COPB2: variants seen among roughly 807,000 people sequenced by gnomAD.
The protein encoded by COPB2 is coatomer subunit beta'.
COPB2 carries 16 observed loss-of-function variants against 120.8 expected under a neutral mutation model. The observed-to-expected ratio is 0.13, with a 90% CI of 0.09 to 0.20. The LOEUF (loss-of-function observed/expected upper bound fraction) is 0.20, where lower values mean the gene tolerates loss of function less well. COPB2 is among the 10% of genes least tolerant of loss of function. The pLI is 1.00. For missense variants in COPB2, 794 were observed against 1,076.5 expected (o/e 0.74, Z 3.67); for synonymous variants, 332 against 366.3 (o/e 0.91, Z 1.07).
At chr3:139,366,190 T>C (rs1212468050) in intron 15 of COPB2, among the ~76,000 whole-genome samples, 1 of 152,248 alleles carries the variant, frequency 6.6e-6, no homozygotes, top group Non-Finnish European at 1.5e-5. Context: ...GTAACTTTGC[T>C]TAAAAAACAT....
At chr3:139,369,392 T>G (rs774840892) in intron 11 of COPB2, 25 bp from the exon 12 acceptor site, 6 of 1,608,254 alleles carry the variant, frequency 3.7e-6, no homozygotes, top group Non-Finnish European at 5.1e-6. Flanking sequence ...AAAAGAGTTT[T>G]GCTTAGGCAT....
Position 139,366,620 on chromosome 3 carries a change from G to A in COPB2, c.1832C>T (p.Pro611Leu), listed in dbSNP as rs1329164747. Residue 611 changes from proline to leucine, a missense_variant, in exon 15 of 22, where the codon CCT becomes CTT. Around this residue, in one of 3 missense-constraint regions of COPB2, gnomAD observed 610 missense variants for 866.7 expected, o/e 0.70. Transcript: ENST00000333188. Reference sequence around the variant, plus strand: ...GGTCCTCTGTTCTTTTGGAATGGTAGGAAGGACCTTATCAGCCATGCTAAA... The same window carrying A: ...GGTCCTCTGTTCTTTTGGAATGGTAAGAAGGACCTTATCAGCCATGCTAAA... Reference protein sequence around the residue: ...RDFSMADKVLPTIPKEQRTRV... With the variant: ...RDFSMADKVLLTIPKEQRTRV... 6.2e-7 allele frequency: 1 copy of A among 1,614,002 alleles called. No individual in the cohort carries two copies. Among genetic ancestry groups the A allele is most frequent in the African/African-American group, 1.3e-5 (1 of 75,036 alleles).
intron 7 of COPB2, 190 bp downstream of exon 7, chr3:139,374,299 G>A (rs1167403847): frequency 2.3e-5 from 3 of 131,486 alleles, no homozygotes; most frequent in South Asian, 9.4e-5. Context: ...GAATGATGAC[G>A]ATGATGATGA....
In COPB2 at chr3:139,360,441, G is replaced by A. The variant is rs150728939; in HGVS notation, c.2210+640C>T. Among the ~76,000 whole-genome samples the A allele has an allele frequency of 7.3e-4, 109 of 148,744 alleles. 1 individual carries two copies. The highest frequency in any genetic ancestry group is 3.6e-3 in the Admixed American group (53 of 14,782). ...GCTAAGGCAGGAGAAGGGCTTGAAC[G>A]AGGGAGACAGAGGCTGCAATTAGCC... On this transcript the variant is annotated intron_variant, in intron 17 of 21. Coordinates refer to ENST00000333188, the MANE Select transcript of COPB2 (RefSeq NM_004766.3).
At chr3:139,374,053 TGG>T (rs1156810767) in intron 7 of COPB2, among the ~76,000 whole-genome samples, 1 of 152,258 alleles carries the variant, frequency 6.6e-6, no homozygotes, top group African/African-American at 2.4e-5. Context: ...CAGGATTTCC[TGG>T]GTAAAGTGTT....
intron 5 of COPB2, among the ~76,000 whole-genome samples, chr3:139,376,316 T>C (rs1170342151): frequency 1.3e-5 from 2 of 152,182 alleles, no homozygotes; most frequent in African/African-American, 4.8e-5. Flanking sequence ...ACTGCCTAAT[T>C]ACCAATTTAA....
rs1277688263 is a variant in COPB2 at position 139,366,642 on chromosome 3, T to C, written c.1810A>G (p.Ser604Gly). The change falls in exon 15 of 22, where the codon AGC becomes GGC. Residue 604 changes from serine (S) to glycine (G), a missense_variant. Ser to Gly is a moderately conservative substitution (Grantham distance 56). Transcript: ENST00000333188. The part of the protein sequence containing the change: ...YQTAVMRRDF[S>G]MADKVLPTIP... ...GTAGGAAGGACCTTATCAGCCATGC[T>C]AAAGTCCCTCCGCATGACAGCTGTC... is the stretch of plus-strand genomic sequence containing the variant. 6.2e-7 allele frequency: 1 copy of C among 1,613,980 alleles called. No homozygotes were observed. The highest frequency in any genetic ancestry group is 1.3e-5 in the African/African-American group (1 of 74,918).
rs776309981 is a variant in COPB2, at chr3:139,366,673, T to C, written c.1779A>G (p.Glu593=). 2.5e-6 allele frequency: 4 copies of C among 1,613,998 alleles called. No homozygotes were observed. Among genetic ancestry groups the C allele is most frequent in the Admixed American group, 3.3e-5 (2 of 59,986 alleles). The change falls in exon 15 of 22, where the codon GAA becomes GAG. Residue 593 remains glutamate, a synonymous_variant. Coordinates refer to ENST00000333188, the MANE Select transcript of COPB2 (RefSeq NM_004766.3). The part of the protein sequence containing the change: ...ISYSLLVSVL[E]YQTAVMRRDF... ...CCCTCCGCATGACAGCTGTCTGGTA[T>C]TCCAGGACTGAAACCAGCAGGGAAT...
chr3:139,361,373 GCAGA>G (rs948105943), intron 16 of COPB2, 78 bp from the exon 17 acceptor site: 40 of 1,374,858 alleles, frequency 2.9e-5, no homozygotes, highest in African/African-American at 4.4e-5. Context: ...TGTTAACTGT[GCAGA>G]CAATGTTTAT....
intron 19 of COPB2, 64 bp downstream of exon 19, chr3:139,358,934 A>C: frequency 1.3e-6 from 2 of 1,588,158 alleles, no homozygotes; most frequent in Non-Finnish European, 1.7e-6. Flanking sequence ...TCAAAATCTG[A>C]AGTCCTGAAT....
At position 139,371,800 on chromosome 3, in the gene COPB2, G is replaced by T. The variant is rs147356224; in HGVS notation, c.1128C>A (p.Ile376=). Residue 376 remains isoleucine (I), a synonymous_variant, in exon 10 of 22, where the codon ATC becomes ATA. Transcript: ENST00000333188. ...FVVVCGDGEY[I]IYTAMALRNK... Reference sequence around the variant, plus strand: ...TTCTCAATGCCATTGCTGTGTAGATGATATACTCCCCATCACCACACACCA... The same window carrying T: ...TTCTCAATGCCATTGCTGTGTAGATTATATACTCCCCATCACCACACACCA... 2.9e-5 allele frequency: 47 copies of T among 1,613,500 alleles called. 1 individual carries two copies. In the Middle Eastern group the frequency reaches 6.6e-4, roughly 23 times the overall value.
intron 5 of COPB2, among the ~76,000 whole-genome samples, chr3:139,377,229 C>T (rs577379875): frequency 7.4e-5 from 11 of 148,072 alleles, no homozygotes; most frequent in Admixed American, 4.7e-4. Flanking sequence ...TTTCCAAAAA[C>T]GTGTAATAAT....
intron 7 of COPB2, chr3:139,374,256 C>T (rs923045591): frequency 1.4e-5 from 7 of 515,008 alleles, no homozygotes; most frequent in Non-Finnish European, 2.4e-5. Context: ...GCTGACGGTC[C>T]TCTTATTTAA....
rs775309413 is a variant in COPB2 at position 139,359,003 on chromosome 3, C to G, written c.2479G>C (p.Val827Leu). 6.2e-7 allele frequency: 1 copy of G among 1,611,772 alleles called. No homozygotes were observed. The highest frequency in any genetic ancestry group is 1.3e-5 in the African/African-American group (1 of 74,848). Residue 827 changes from valine (V) to leucine (L), a missense_variant, in exon 19 of 22, where the codon GTC becomes CTC. By Grantham distance (32) the Val-to-Leu change is conservative (BLOSUM62 1). Transcript: ENST00000333188. ...DLWPAKQYPL[V>L]TPNEERNVME... ...TTGACATCCTGGCCACTCACCGTGA[C>G]AAGTGGGTATTGTTTGGCTGGCCAC...
Position 139,369,288 on chromosome 3 carries a change from T to C in COPB2, c.1374A>G (p.Ile458Met), listed in dbSNP as rs1247149216. The change falls in exon 12 of 22, where the codon ATA becomes ATG. Residue 458 changes from isoleucine (I) to methionine (M), a missense_variant. Physicochemically the swap from Ile to Met is conservative, Grantham distance 10. Around this residue, in one of 3 missense-constraint regions of COPB2, gnomAD observed 610 missense variants for 866.7 expected, o/e 0.70. Coordinates refer to ENST00000333188, the MANE Select transcript of COPB2 (RefSeq NM_004766.3). ...AFYDWDNTEL[I>M]RRIEIQPKHI... is the part of the protein sequence containing the mutation. ...GTTTGGGCTGAATTTCAATTCTTCG[T>C]ATGAGTTCTGTATTGTCCCAGTCAT... 1 of 1,609,596 alleles carries C rather than the reference T, an allele frequency of 6.2e-7. No individual in the cohort carries two copies. Among genetic ancestry groups the C allele is most frequent in the South Asian group, 1.1e-5 (1 of 90,034 alleles).
intron 10 of COPB2, 30 bp downstream of exon 10, chr3:139,371,692 GC>G: frequency 6.4e-7 from 1 of 1,560,458 alleles, no homozygotes; most frequent in South Asian, 1.1e-5. Context: ...TGCAATCAGG[GC>G]ATGCTGGCTA....
chr3:139,380,003 CTTTTTTTT>C (rs869062825), intron 2 of COPB2: 26 of 101,346 alleles, frequency 2.6e-4, no homozygotes, highest in East Asian at 5.8e-4. Flanking sequence ...TTTTTCTTTT[CTTTTTTTT>C]TTTTTTTTTT....
At chr3:139,376,395 T>C (rs922060080) in intron 5 of COPB2, among the ~76,000 whole-genome samples, 5 of 152,224 alleles carry the variant, frequency 3.3e-5, no homozygotes, top group African/African-American at 1.2e-4. Flanking sequence ...ATTTATTGAG[T>C]GCCTATTATA....
intron 17 of COPB2, 130 bp downstream of exon 17, chr3:139,360,951 T>C: frequency 1.0e-6 from 1 of 955,584 alleles, no homozygotes; most frequent in South Asian, 1.5e-5. Context: ...AGCACTGTCC[T>C]GTTCTGACTG....
Sources: gnomAD v4.1 joint callset for allele counts (sites outside exome capture counted in the v4.1 genomes callset) on GRCh38, gnomAD v4.1.1 for gene constraint, gnomAD v4.1.1 regional missense constraint, MANE v1.5 for transcripts, NCBI Gene and HGNC (gene_info 2026-07-23, HGNC 2026-07-21) for gene names.